Variants in SPIDR observed in about 807,000 individuals in gnomAD.
SPIDR encodes the protein DNA repair-scaffolding protein.
SPIDR carries 93 observed loss-of-function variants against 104.6 expected under a neutral mutation model. The ratio of observed to expected loss-of-function variants is 0.89; its 90% CI spans 0.75 to 1.06. The LOEUF is 1.06. Ranked by LOEUF, SPIDR falls within the 50% of genes least tolerant of loss-of-function variation. SPIDR has a pLI of 0.00. For missense variants in SPIDR, 1,154 were observed against 1,111.2 expected (o/e 1.04, Z -0.55); for synonymous variants, 431 against 416.9 (o/e 1.03, Z -0.41).
chr8:47,458,323 G>GTATTTTATTTTATTTTATTTTATTT lies in SPIDR; in HGVS notation c.1097+17826_1097+17850dup, dbSNP rs71225684. On this transcript the variant is annotated intron_variant, in intron 8 of 19. Transcript: ENST00000297423. ...CCTCTTTGGTTAAGCATATTCCTAA[G>GTATTTTATTTTATTTTATTTTATTT]TATTTTATTTTATTTTATTTTATTT... Among the ~76,000 whole-genome samples, 206 of 112,260 alleles carry GTATTTTATTTTATTTTATTTTATTT rather than the reference G, an allele frequency of 1.8e-3. 6 individuals carry two copies. The highest frequency in any genetic ancestry group is 0.016 in the Admixed American group (165 of 10,064). 73.6% of individuals were successfully genotyped at this position (112,260 alleles called of 152,430 possible).
chr8:47,462,203 A>G (rs2074055582), intron 8 of SPIDR, among the ~76,000 whole-genome samples: 1 of 152,174 alleles, frequency 6.6e-6, no homozygotes, highest in South Asian at 2.1e-4. Context: ...CTAGCCATTC[A>G]GCAGGGCTGC....
At chr8:47,658,582 G>A (rs1341456780) in intron 10 of SPIDR, among the ~76,000 whole-genome samples, 2 of 142,788 alleles carry the variant, frequency 1.4e-5, no homozygotes, top group African/African-American at 5.4e-5. Flanking sequence ...TGTTGTTGTT[G>A]TTGTTAATCT....
chr8:47,489,712 T>C (rs1554736966), intron 8 of SPIDR, among the ~76,000 whole-genome samples: 2 of 152,142 alleles, frequency 1.3e-5, no homozygotes, highest in African/African-American at 4.8e-5. Context: ...TCTACAACCA[T>C]CTGATCTTTG....
chr8:47,280,657 G>T (rs1054155791), intron 2 of SPIDR, among the ~76,000 whole-genome samples: 3 of 152,136 alleles, frequency 2.0e-5, no homozygotes, highest in Non-Finnish European at 4.4e-5. Flanking sequence ...CCTCCAAAGT[G>T]CTGGGATTAC....
chr8:47,312,662 T>G (rs192972958), intron 5 of SPIDR, among the ~76,000 whole-genome samples: 17 of 152,306 alleles, frequency 1.1e-4, no homozygotes, highest in Middle Eastern at 3.4e-3. Flanking sequence ...TTTCTCCCAT[T>G]TTGTAGGTTG....
At chr8:47,514,172 T>C (rs904047298) in intron 8 of SPIDR, among the ~76,000 whole-genome samples, 1 of 152,230 alleles carries the variant, frequency 6.6e-6, no homozygotes, top group African/African-American at 2.4e-5. Context: ...TGCCTGCTTG[T>C]GTCCTGTATA....
In SPIDR at chr8:47,293,967, CTG is replaced by C; in HGVS notation, c.465_466del (p.Ala156PhefsTer5). 1.2e-6 allele frequency: 2 copies of C among 1,614,120 alleles called. No individual in the cohort carries two copies. The highest frequency in any genetic ancestry group is 1.7e-6 in the Non-Finnish European group (2 of 1,180,008). On this transcript the variant is annotated frameshift_variant, in exon 5 of 20. Transcript: ENST00000297423. LOFTEE classifies it high-confidence loss of function. ...DDEGAVEISD[C>X]ASCASNQSLT... Reference sequence around the variant, plus strand: ...ACGAGGGTGCTGTGGAAATCTCAGACTGTGCTTCTTGTGCAAGTAATCAGTCT... The same window carrying C: ...ACGAGGGTGCTGTGGAAATCTCAGACTGCTTCTTGTGCAAGTAATCAGTCT...
intron 5 of SPIDR, among the ~76,000 whole-genome samples, chr8:47,370,439 A>AT (rs34220804): frequency 0.072 from 7,087 of 99,010 alleles, 639 homozygotes; most frequent in African/African-American, 0.18. Flanking sequence ...AGAGGTCAAG[A>AT]TTTTTTTTTT....
At chr8:47,559,815 AC>A (rs1207266435) in intron 8 of SPIDR, among the ~76,000 whole-genome samples, 5 of 152,218 alleles carry the variant, frequency 3.3e-5, no homozygotes, top group African/African-American at 1.2e-4. Flanking sequence ...ATCTTCCATT[AC>A]CCAAATCCAA....
chr8:47,723,025 ATTGTTGTTGTTGTTG>A (rs369381394), intron 16 of SPIDR, among the ~76,000 whole-genome samples: 1 of 150,594 alleles, frequency 6.6e-6, no homozygotes, highest in African/African-American at 2.5e-5. Context: ...TGTTGTTGTT[ATTGTTGTTGTTGTTG>A]TTGTTGTTGT....
chr8:47,474,913 C>T (rs186332554), intron 8 of SPIDR, among the ~76,000 whole-genome samples: 18 of 152,268 alleles, frequency 1.2e-4, no homozygotes, highest in African/African-American at 4.3e-4. Flanking sequence ...ACATTTAATT[C>T]TTTGGCTTTT....
chr8:47,717,841 C>A (rs1408515768), intron 16 of SPIDR, among the ~76,000 whole-genome samples: 1 of 152,178 alleles, frequency 6.6e-6, no homozygotes, highest in Non-Finnish European at 1.5e-5. Flanking sequence ...TTCTAGAGAT[C>A]AGCAGTTCAG....
intron 3 of SPIDR, among the ~76,000 whole-genome samples, chr8:47,285,727 A>G (rs1205534334): frequency 6.6e-6 from 1 of 152,170 alleles, no homozygotes; most frequent in Non-Finnish European, 1.5e-5. Context: ...GCCCACCCTA[A>G]TGACCTTATT....
chr8:47,617,812 T>C (rs2064544347), intron 10 of SPIDR, among the ~76,000 whole-genome samples: 1 of 152,196 alleles, frequency 6.6e-6, no homozygotes, highest in Admixed American at 6.5e-5. Context: ...GTTTCCAAAA[T>C]ACTGACCTTA....
chr8:47,490,994 TAATAA>T (rs1230562680), intron 8 of SPIDR, among the ~76,000 whole-genome samples: 22 of 152,244 alleles, frequency 1.4e-4, no homozygotes, highest in East Asian at 1.4e-3. Flanking sequence ...TAAAGTATAA[TAATAA>T]AATAAAATAT....
At chr8:47,592,474 G>A (rs1564419499) in intron 8 of SPIDR, 1 of 1,425,630 alleles carries the variant, frequency 7.0e-7, no homozygotes, top group Non-Finnish European at 9.9e-7. Context: ...AAAGGGGGAA[G>A]GAATCCTGAG....
chr8:47,727,715 G>A (rs1284909078), intron 17 of SPIDR, among the ~76,000 whole-genome samples: 1 of 152,228 alleles, frequency 6.6e-6, no homozygotes, highest in Non-Finnish European at 1.5e-5. Context: ...CCCTCCCTCA[G>A]GGTCTGGGCC....
intron 7 of SPIDR, among the ~76,000 whole-genome samples, chr8:47,426,502 A>G (rs187626190): frequency 9.1e-4 from 139 of 152,248 alleles, no homozygotes; most frequent in Middle Eastern, 3.4e-3. Context: ...TGATTCCATC[A>G]TAACATTATA....
intron 8 of SPIDR, among the ~76,000 whole-genome samples, chr8:47,469,817 T>G (rs552758676): frequency 6.6e-6 from 1 of 152,278 alleles, no homozygotes; most frequent in Admixed American, 6.5e-5. Context: ...CAAATTTCTA[T>G]TATATGTTAC....
Sources: gnomAD v4.1 joint callset for allele counts (sites outside exome capture counted in the v4.1 genomes callset) on GRCh38, gnomAD v4.1.1 for gene constraint, MANE v1.5 for transcripts, NCBI Gene and HGNC (gene_info 2026-07-23, HGNC 2026-07-21) for gene names.